The following ADGRE2 variants were observed in gnomAD, a reference collection of about 807,000 sequenced individuals.
ADGRE2 encodes the protein adhesion G protein-coupled receptor E2, also known as CD97 antigen.
ADGRE2 carries 83 observed loss-of-function variants against 100.8 expected under a neutral mutation model. That is an observed-to-expected ratio of 0.82 (90% CI 0.69 to 0.99). ADGRE2 has a LOEUF of 0.99. Among genes scored for constraint, ADGRE2 ranks in the 50% least tolerant of loss-of-function variants. ADGRE2 has a pLI of 0.00. For synonymous variants in ADGRE2, 355 were observed against 413.0 expected (o/e 0.86, Z 1.70); for missense variants, 814 against 1,035.7 (o/e 0.79, Z 2.94).
chr19:14,776,723 T>C lies in ADGRE2; in HGVS notation c.31+3A>G, dbSNP rs201187276. 74 of 1,612,186 alleles carry C rather than the reference T, an allele frequency of 4.6e-5. No individual in the cohort carries two copies. The highest frequency in any genetic ancestry group is 1.7e-4 in the Admixed American group (10 of 59,890). The stretch of plus-strand genomic sequence containing the variant: ...ACCCCCAGCGGGGCCCCAAAGTACT[T>C]ACCGAGAAAGACGAGAAAGACGCGG... On this transcript the variant is annotated splice_donor_region_variant and intron_variant, in intron 2 of 20. Coordinates refer to ENST00000315576, the MANE Select transcript of ADGRE2 (RefSeq NM_013447.4).
chr19:14,756,012 T>C, intron 12 of ADGRE2, 135 bp from the exon 13 acceptor site: 1 of 794,262 alleles, frequency 1.3e-6, no homozygotes, highest in Non-Finnish European at 2.0e-6. Context: ...CACACTTTCC[T>C]TCAATCTTTA....
chr19:14,728,158 A>C (rs530692013), downstream of ADGRE2, among the ~76,000 whole-genome samples: 1 of 152,348 alleles, frequency 6.6e-6, no homozygotes, highest in African/African-American at 2.4e-5. Context: ...GCTTGCAGTG[A>C]GCCGAGATTG....
the ADGRE2 span, among the ~76,000 whole-genome samples, chr19:14,726,595 C>T: frequency 1.3e-5 from 2 of 152,156 alleles, no homozygotes; most frequent in Non-Finnish European, 2.9e-5. Context: ...GCAGCCGTGC[C>T]TCTCCTTGAA....
intron 11 of ADGRE2, among the ~76,000 whole-genome samples, chr19:14,763,668 C>T (rs1233479411): frequency 1.5e-5 from 2 of 133,006 alleles, no homozygotes; most frequent in Non-Finnish European, 3.3e-5. Flanking sequence ...GTCTCCTCCT[C>T]CTCTCCTCCT....
chr19:14,754,295 A>G (rs1049590827), intron 14 of ADGRE2, among the ~76,000 whole-genome samples: 1 of 149,272 alleles, frequency 6.7e-6, no homozygotes, highest in Admixed American at 6.7e-5. Flanking sequence ...ATCTATATCT[A>G]TCTATATATA....
chr19:14,728,142 A>C (rs868704984), downstream of ADGRE2, among the ~76,000 whole-genome samples: 42 of 152,294 alleles, frequency 2.8e-4, no homozygotes, highest in Middle Eastern at 0.02. Flanking sequence ...GAGCCTGGGA[A>C]GCGGAGCTTG....
At chr19:14,741,963 C>T in intron 20 of ADGRE2, 1 of 398,384 alleles carries the variant, frequency 2.5e-6, no homozygotes, top group Non-Finnish European at 4.4e-6. Context: ...ATGAATTATC[C>T]CATGCCATTG....
At chr19:14,755,591 G>T in intron 13 of ADGRE2, 63 bp downstream of exon 13, 4 of 1,455,938 alleles carry the variant, frequency 2.7e-6, no homozygotes, top group East Asian at 2.3e-5. Context: ...GGGCTGAGCT[G>T]AGCAGCAAGG....
chr19:14,769,767 C>T (rs185515193), intron 5 of ADGRE2, among the ~76,000 whole-genome samples: 2 of 152,212 alleles, frequency 1.3e-5, no homozygotes, highest in Non-Finnish European at 2.9e-5. Flanking sequence ...GGTGCCATCT[C>T]GGCTTACTGC....
chr19:14,726,123 C>T, the ADGRE2 span, among the ~76,000 whole-genome samples: 5 of 152,190 alleles, frequency 3.3e-5, no homozygotes, highest in Admixed American at 6.5e-5. Flanking sequence ...CTACCTGGAA[C>T]CACCAAAGCT....
In ADGRE2 at chr19:14,770,270, C is replaced by A. The variant is rs187054045; in HGVS notation, c.355+2072G>T. On this transcript the variant is annotated intron_variant, in intron 5 of 20. Transcript: ENST00000315576. ...GTTGGAAAAAGCCTGGTATCTCCTC[C>A]CTTCTCTCTTGCTTCCTTCCTCTTG... Among the ~76,000 whole-genome samples the A allele has an allele frequency of 2.2e-3, 339 of 152,172 alleles. 1 individual carries two copies. The highest frequency in any genetic ancestry group is 7.8e-3 in the African/African-American group (324 of 41,522).
intron 11 of ADGRE2, among the ~76,000 whole-genome samples, chr19:14,763,802 T>C (rs115266521): frequency 4.1e-3 from 4 of 974 alleles, no homozygotes; most frequent in Non-Finnish European, 5.6e-3. Flanking sequence ...CTCCTCTCTT[T>C]CTCCATTCCT....
chr19:14,745,798 A>G (rs944321329), intron 18 of ADGRE2, among the ~76,000 whole-genome samples: 3 of 151,944 alleles, frequency 2.0e-5, no homozygotes, highest in Admixed American at 6.6e-5. Flanking sequence ...TTCTGCCTCC[A>G]CAAGATCAGC....
chr19:14,763,342 C>CA (rs1443511527), intron 11 of ADGRE2, among the ~76,000 whole-genome samples: 1 of 150,502 alleles, frequency 6.6e-6, no homozygotes, highest in Admixed American at 6.6e-5. Context: ...GACTCTGTCT[C>CA]AAAAAAACAA....
chr19:14,772,654 G>A (rs946245017), intron 4 of ADGRE2, among the ~76,000 whole-genome samples, 157 bp from the exon 5 acceptor site: 1 of 150,426 alleles, frequency 6.6e-6, no homozygotes, highest in Non-Finnish European at 1.5e-5. Flanking sequence ...GCTGGAGCAG[G>A]CCATTCCTGA....
At chr19:14,773,870 C>G in intron 4 of ADGRE2, 68 bp downstream of exon 4, 2 of 1,402,694 alleles carry the variant, frequency 1.4e-6, no homozygotes, top group South Asian at 2.3e-5. Flanking sequence ...CAACCTCTGT[C>G]CCCCACTGGC....
Position 14,733,993 on chromosome 19 carries a change from T to C in ADGRE2, c.*2243A>G, listed in dbSNP as rs1288134532. 6.6e-6 allele frequency: 1 copy of C among 152,152 alleles called. No homozygotes were observed. The allele number at this position is 152,152 out of a possible 1,614,324, so 9.4% of individuals were successfully genotyped here. On this transcript the variant is annotated 3_prime_UTR_variant, in exon 21 of 21. Coordinates refer to ENST00000315576, the MANE Select transcript of ADGRE2 (RefSeq NM_013447.4). ...GGCACAGAGCAGTGAAAAATGTGAG[T>C]TGCACTGGGAAATGTTCCCAGCTGA...
chr19:14,762,689 T>G lies in ADGRE2; in HGVS notation c.1084+1744A>C, dbSNP rs146893667. The stretch of plus-strand genomic sequence containing the variant: ...TGGAGTGGCACTCTGTCTCACGTAG[T>G]CTGGAGTGCAGTGGTGCAAACTTGG... On this transcript the variant is annotated intron_variant, in intron 11 of 20. Coordinates refer to ENST00000315576, the MANE Select transcript of ADGRE2 (RefSeq NM_013447.4). Among the ~76,000 whole-genome samples, 936 of 152,204 alleles carry G rather than the reference T, an allele frequency of 6.1e-3. 8 individuals carry two copies. The highest frequency in any genetic ancestry group is 0.021 in the African/African-American group (865 of 41,532).
downstream of ADGRE2, chr19:14,731,229 A>G: frequency 6.6e-7 from 1 of 1,522,878 alleles, no homozygotes; most frequent in African/African-American, 1.4e-5. Flanking sequence ...GCATGTTCAG[A>G]TCGCTAGAAT....
Sources: gnomAD v4.1 joint callset for allele counts (sites outside exome capture counted in the v4.1 genomes callset) on GRCh38, gnomAD v4.1.1 for gene constraint, MANE v1.5 for transcripts, NCBI Gene and HGNC (gene_info 2026-07-23, HGNC 2026-07-21) for gene names.